The following SLAMF1 variants were observed in gnomAD, a reference collection of about 807,000 sequenced individuals.
SLAMF1 encodes signaling lymphocytic activation molecule.
SLAMF1 carries 18 observed loss-of-function variants against 35.1 expected under a neutral mutation model. The observed-to-expected ratio is 0.51, with a 90% CI of 0.35 to 0.76. The LOEUF (loss-of-function observed/expected upper bound fraction) is 0.76, where lower values mean the gene tolerates loss of function less well. SLAMF1 is among the 30% of genes least tolerant of loss of function. SLAMF1 has a pLI of 0.01. For synonymous variants in SLAMF1, 168 were observed against 157.2 expected, an observed-to-expected ratio of 1.07 and a Z score of -0.51; for missense variants, 392 against 413.0, an observed-to-expected ratio of 0.95 and a Z score of 0.44.
chr1:160,641,303 A>G (rs955419740), intron 1 of SLAMF1, among the ~76,000 whole-genome samples: 2 of 151,846 alleles, frequency 1.3e-5, no homozygotes, highest in Non-Finnish European at 2.9e-5. Context: ...AAAAAATCCC[A>G]TTTTCAGGCC....
At chr1:160,635,456 C>A (rs753038409) in intron 2 of SLAMF1, among the ~76,000 whole-genome samples, 7 of 152,100 alleles carry the variant, frequency 4.6e-5, no homozygotes, top group Non-Finnish European at 1.0e-4. Flanking sequence ...TAACCATAGG[C>A]CTCATCAATC....
At chr1:160,635,033 T>A in intron 2 of SLAMF1, 136 bp from the exon 3 acceptor site, 1 of 720,118 alleles carries the variant, frequency 1.4e-6, no homozygotes, top group East Asian at 2.7e-5. Flanking sequence ...TAGTGGGGAA[T>A]CTATTGCTTC....
In SLAMF1 at chr1:160,637,338, G is replaced by T; in HGVS notation, c.268C>A (p.Arg90Ser). The T allele has an allele frequency of 1.2e-6, 2 of 1,613,960 alleles. No individual in the cohort carries two copies. The highest frequency in any genetic ancestry group is 1.7e-6 in the Non-Finnish European group (2 of 1,179,884). ...SLDPSEAGPP[R>S]YLGDRYKFYL... ...AACTTGTAGCGATCTCCTAGATAAC[G>T]TGGAGGGCCTGCTTCGGATGGATCA... Residue 90 changes from arginine to serine, a missense_variant, in exon 2 of 7, where the codon CGT (arginine) becomes AGT (serine). Arg to Ser is a moderately radical substitution (Grantham distance 110). Transcript: ENST00000302035.
chr1:160,631,115 T>C (rs1385921148), intron 3 of SLAMF1, among the ~76,000 whole-genome samples: 1 of 152,238 alleles, frequency 6.6e-6, no homozygotes, highest in South Asian at 2.1e-4. Context: ...CCTAGCACAA[T>C]GTAGAGTGTA....
chr1:160,632,336 G>A (rs1437957745), intron 3 of SLAMF1, among the ~76,000 whole-genome samples: 1 of 152,098 alleles, frequency 6.6e-6, no homozygotes, highest in Admixed American at 6.5e-5. Flanking sequence ...CGGCTGGACA[G>A]TTCTCTTACA....
intron 5 of SLAMF1, chr1:160,615,846 C>T (rs1659272152): frequency 9.9e-6 from 2 of 201,560 alleles, no homozygotes; most frequent in African/African-American, 2.4e-5. Flanking sequence ...AGATACACAA[C>T]TACAAGCCAA....
In SLAMF1 at chr1:160,610,789, A is replaced by C. The variant is rs373535297; in HGVS notation, c.967T>G (p.Ser323Ala). 15 of 1,611,944 alleles carry C rather than the reference A, an allele frequency of 9.3e-6. No homozygotes were observed. In the African/African-American group the frequency reaches 1.5e-4, roughly 16 times the overall value. Reference sequence around the variant, plus strand: ...GTCACACTAGCATAGACTGTGATGGAATTTGTTTCCTGGGGACAAAGCAGA... The same window carrying C: ...GTCACACTAGCATAGACTGTGATGGCATTTGTTTCCTGGGGACAAAGCAGA... ...PVPESVQETN[S>A]ITVYASVTLP... Residue 323 changes from serine (S) to alanine (A), a missense_variant, in exon 7 of 7, where the codon TCC becomes GCC. Coordinates refer to ENST00000302035, the MANE Select transcript of SLAMF1 (RefSeq NM_003037.5).
At position 160,610,437 on chromosome 1, in the gene SLAMF1, A is replaced by C. The variant is rs1423058812; in HGVS notation, c.*311T>G. The C allele has an allele frequency of 1.0e-5, 5 of 490,948 alleles. No homozygotes were observed. 30.4% of individuals were successfully genotyped at this position (490,948 alleles called of 1,614,324 possible). ...TTATTATCCAGTTCCAGCCAAGAGC[A>C]AGATGCCCAAAGTCTGAACTCACAT... On this transcript the variant is annotated 3_prime_UTR_variant, in exon 7 of 7. Transcript: ENST00000302035.
chr1:160,637,166 G>A, intron 2 of SLAMF1, 25 bp downstream of exon 2: 12 of 1,564,286 alleles, frequency 7.7e-6, no homozygotes, highest in Non-Finnish European at 1.1e-5. Context: ...CCTTTAGTGT[G>A]GACTGGGGAA....
intron 5 of SLAMF1, 78 bp downstream of exon 5, chr1:160,619,698 T>C: frequency 1.1e-6 from 1 of 934,606 alleles, no homozygotes; most frequent in Non-Finnish European, 1.8e-6. Flanking sequence ...ACTGTGAATG[T>C]CCAACAGGCA....
intron 3 of SLAMF1, among the ~76,000 whole-genome samples, chr1:160,629,562 A>C (rs1258249848): frequency 2.0e-5 from 3 of 152,086 alleles, no homozygotes; most frequent in Non-Finnish European, 4.4e-5. Context: ...GTGGGGAAGG[A>C]TCCTCATGAA....
chr1:160,641,266 C>A (rs1660729920), intron 1 of SLAMF1, among the ~76,000 whole-genome samples: 1 of 151,652 alleles, frequency 6.6e-6, no homozygotes, highest in Non-Finnish European at 1.5e-5. Flanking sequence ...TTTTAAAGAC[C>A]AACTTTGATA....
At chr1:160,644,206 A>G (rs1660910584) in intron 1 of SLAMF1, among the ~76,000 whole-genome samples, 1 of 152,140 alleles carries the variant, frequency 6.6e-6, no homozygotes, top group Non-Finnish European at 1.5e-5. Context: ...TAGATAGCAC[A>G]TTCTAATTTT....
intron 2 of SLAMF1, among the ~76,000 whole-genome samples, chr1:160,635,633 A>G (rs908772147): frequency 4.8e-5 from 7 of 147,294 alleles, no homozygotes; most frequent in Admixed American, 4.1e-4. Flanking sequence ...GTGCAGTGGC[A>G]CAATCTCAGC....
At chr1:160,636,968 G>A (rs1351129338) in intron 2 of SLAMF1, 1 of 553,990 alleles carries the variant, frequency 1.8e-6, no homozygotes, top group Non-Finnish European at 3.2e-6. Flanking sequence ...ATGGGAGTAA[G>A]AGTAACTAAT....
chr1:160,615,473 A>G (rs992097966), intron 5 of SLAMF1, among the ~76,000 whole-genome samples: 2 of 152,172 alleles, frequency 1.3e-5, no homozygotes, highest in African/African-American at 4.8e-5. Flanking sequence ...TAATAAAAAT[A>G]TAACTTAAAA....
At chr1:160,635,421 T>A (rs1411980738) in intron 2 of SLAMF1, among the ~76,000 whole-genome samples, 1 of 152,204 alleles carries the variant, frequency 6.6e-6, no homozygotes, top group Non-Finnish European at 1.5e-5. Flanking sequence ...TTTGTGTGTC[T>A]GAGATAGTGA....
chr1:160,623,949 G>T, intron 4 of SLAMF1, 147 bp downstream of exon 4: 1 of 637,438 alleles, frequency 1.6e-6, no homozygotes, highest in East Asian at 2.7e-5. Context: ...ATTAAGCAAG[G>T]TCCCAGGATA....
chr1:160,633,365 C>G (rs1410423766), intron 3 of SLAMF1, among the ~76,000 whole-genome samples: 3 of 152,256 alleles, frequency 2.0e-5, no homozygotes, highest in African/African-American at 7.2e-5. Context: ...TCAAGAACTT[C>G]CAGGGGCACA....
Sources: allele counts gnomAD v4.1 joint callset (sites outside exome capture counted in the v4.1 genomes callset), GRCh38; gene constraint gnomAD v4.1.1; transcripts MANE v1.5; gene names NCBI Gene and HGNC (gene_info 2026-07-23, HGNC 2026-07-21).